LEKR1: variants seen among roughly 807,000 people sequenced by gnomAD.
LEKR1 encodes the protein protein LEKR1.
LEKR1 carries 59 observed loss-of-function variants against 72.4 expected under a neutral mutation model. The ratio of observed to expected loss-of-function variants is 0.82; its 90% CI spans 0.66 to 1.01. The LOEUF (loss-of-function observed/expected upper bound fraction) is 1.01, where lower values mean the gene tolerates loss of function less well. Among genes scored for constraint, LEKR1 ranks in the 50% least tolerant of loss-of-function variants. The pLI is 0.00. For synonymous variants in LEKR1, 257 were observed against 263.2 expected, an observed-to-expected ratio of 0.98 and a Z score of 0.23; for missense variants, 728 against 759.2, an observed-to-expected ratio of 0.96 and a Z score of 0.48.
chr3:156,980,589 C>T (rs1730106327), intron 7 of LEKR1, among the ~76,000 whole-genome samples: 1 of 151,884 alleles, frequency 6.6e-6, no homozygotes, highest in Admixed American at 6.6e-5. Context: ...ATCGTTGTTG[C>T]TGTCCCTCTA....
At chr3:156,910,664 A>G (rs1723022310) in intron 3 of LEKR1, among the ~76,000 whole-genome samples, 1 of 152,216 alleles carries the variant, frequency 6.6e-6, no homozygotes, top group Admixed American at 6.5e-5. Context: ...TGCAAAGGAC[A>G]TGACTTCATT....
intron 3 of LEKR1, among the ~76,000 whole-genome samples, chr3:156,876,575 T>C (rs955992709): frequency 6.6e-6 from 1 of 152,216 alleles, no homozygotes; most frequent in African/African-American, 2.4e-5. Context: ...TTATATTCTT[T>C]TGTGGCTGTT....
intron 2 of LEKR1, among the ~76,000 whole-genome samples, chr3:156,848,491 G>A (rs1714908406): frequency 6.6e-6 from 1 of 152,120 alleles, no homozygotes; most frequent in Non-Finnish European, 1.5e-5. Context: ...TTCATTTTAT[G>A]TAGGATTACT....
chr3:156,847,628 T>A (rs1412872027), intron 2 of LEKR1, among the ~76,000 whole-genome samples: 1 of 152,220 alleles, frequency 6.6e-6, no homozygotes, highest in Non-Finnish European at 1.5e-5. Context: ...TTGAAAGGGT[T>A]ATTACATTTT....
chr3:156,919,949 G>A (rs928837517), intron 3 of LEKR1, among the ~76,000 whole-genome samples: 7 of 151,854 alleles, frequency 4.6e-5, no homozygotes, highest in African/African-American at 1.2e-4. Context: ...ACTTCTTACC[G>A]AAAGCCACAC....
At chr3:156,880,655 C>T (rs997574101) in intron 3 of LEKR1, among the ~76,000 whole-genome samples, 7 of 152,148 alleles carry the variant, frequency 4.6e-5, no homozygotes, top group African/African-American at 1.7e-4. Context: ...TTTTATGAGG[C>T]CAACATCATC....
chr3:156,976,758 TAAG>T (rs1293433107), intron 6 of LEKR1, among the ~76,000 whole-genome samples: 2 of 152,184 alleles, frequency 1.3e-5, no homozygotes, highest in Admixed American at 1.3e-4. Flanking sequence ...GTGAGAGATA[TAAG>T]AACTTTAGGA....
intron 3 of LEKR1, among the ~76,000 whole-genome samples, chr3:156,856,178 G>C (rs1296376995): frequency 3.9e-5 from 6 of 152,062 alleles, no homozygotes; most frequent in African/African-American, 7.2e-5. Context: ...CATGTTTGTT[G>C]TTTCTCAGAT....
intron 12 of LEKR1, among the ~76,000 whole-genome samples, chr3:157,031,134 G>A (rs1734578849): frequency 6.6e-6 from 1 of 152,150 alleles, no homozygotes; most frequent in Admixed American, 6.5e-5. Context: ...CAGGGCTTCG[G>A]GAGGTGATTT....
At chr3:156,932,937 G>A (rs954609539) in intron 5 of LEKR1, among the ~76,000 whole-genome samples, 5 of 151,782 alleles carry the variant, frequency 3.3e-5, no homozygotes, top group African/African-American at 1.2e-4. Flanking sequence ...GGCTGAGGCA[G>A]CAGAATGGCG....
chr3:156,910,065 G>T (rs1407301893), intron 3 of LEKR1, among the ~76,000 whole-genome samples: 1 of 152,070 alleles, frequency 6.6e-6, no homozygotes. Context: ...AGAAGTCCTT[G>T]CCAAGGTATT....
chr3:156,929,054 A>G (rs1157211534), intron 5 of LEKR1, among the ~76,000 whole-genome samples: 2 of 152,088 alleles, frequency 1.3e-5, no homozygotes, highest in Non-Finnish European at 2.9e-5. Flanking sequence ...ATATAAAGGA[A>G]AATATACTAG....
intron 5 of LEKR1, among the ~76,000 whole-genome samples, chr3:156,939,798 G>A (rs1430016573): frequency 6.6e-6 from 1 of 151,930 alleles, no homozygotes; most frequent in African/African-American, 2.4e-5. Flanking sequence ...TTTTACCAAG[G>A]AAAAATACTT....
intron 3 of LEKR1, among the ~76,000 whole-genome samples, chr3:156,875,369 G>A (rs1421012382): frequency 1.3e-5 from 2 of 152,072 alleles, no homozygotes; most frequent in South Asian, 2.1e-4. Flanking sequence ...TTTTGATGGG[G>A]TTATTTGTTT....
At chr3:156,994,471 C>A (rs79325105) in intron 9 of LEKR1, among the ~76,000 whole-genome samples, 8,177 of 152,064 alleles carry the variant, frequency 0.054, 253 homozygotes, top group African/African-American at 0.079. Context: ...GAGCTGATAT[C>A]CCCCCACCAT....
intron 3 of LEKR1, among the ~76,000 whole-genome samples, chr3:156,884,313 G>T (rs1719826669): frequency 1.3e-5 from 2 of 152,014 alleles, no homozygotes; most frequent in South Asian, 4.1e-4. Flanking sequence ...TATTCATCAT[G>T]TTAGTTGTTG....
chr3:157,041,688 T>A (rs1325394887), intron 12 of LEKR1, among the ~76,000 whole-genome samples: 19 of 152,176 alleles, frequency 1.2e-4, no homozygotes, highest in African/African-American at 4.3e-4. Context: ...TCCAGTCTAG[T>A]TACAATCCAA....
At chr3:157,041,107 G>C (rs886842586) in intron 12 of LEKR1, among the ~76,000 whole-genome samples, 1 of 151,996 alleles carries the variant, frequency 6.6e-6, no homozygotes, top group Admixed American at 6.5e-5. Flanking sequence ...TCCTTCTCAG[G>C]GGGAGGGCAA....
At chr3:156,892,246 A>G (rs1720742635) in intron 3 of LEKR1, among the ~76,000 whole-genome samples, 1 of 152,188 alleles carries the variant, frequency 6.6e-6, no homozygotes. Context: ...CTAAGCGTAG[A>G]TAATTGATGT....
Sources: allele counts gnomAD v4.1 joint callset (sites outside exome capture counted in the v4.1 genomes callset), GRCh38; gene constraint gnomAD v4.1.1; transcripts MANE v1.5; gene names NCBI Gene and HGNC (gene_info 2026-07-23, HGNC 2026-07-21).